The following MICAL2 variants were observed in gnomAD, a reference collection of about 807,000 sequenced individuals.
The protein encoded by MICAL2 is microtubule associated monooxygenase, calponin and LIM domain containing 2.
A neutral mutation model predicts 127.3 loss-of-function variants in MICAL2; 77 were observed. The observed-to-expected ratio is 0.60, with a 90% CI of 0.50 to 0.73. The LOEUF (loss-of-function observed/expected upper bound fraction) is 0.73. Among genes scored for constraint, MICAL2 ranks in the 30% least tolerant of loss-of-function variants. The pLI, the probability that MICAL2 is intolerant of heterozygous loss-of-function variation, is 0.00. For synonymous variants in MICAL2, 570 were observed against 551.1 expected (o/e 1.03, Z -0.48); for missense variants, 1,351 against 1,434.4 (o/e 0.94, Z 0.94).
intron 22 of MICAL2, among the ~76,000 whole-genome samples, chr11:12,250,852 C>G (rs1861438857): frequency 6.6e-6 from 1 of 152,146 alleles, no homozygotes; most frequent in South Asian, 2.1e-4. Flanking sequence ...ACCAGCCTCC[C>G]CAGGAGTGTG....
intron 1 of MICAL2, among the ~76,000 whole-genome samples, chr11:12,125,868 AG>A (rs1454298951): frequency 1.8e-5 from 1 of 54,360 alleles, no homozygotes; most frequent in Admixed American, 1.9e-4. Context: ...TTTCTTATTC[AG>A]TTTTTTTTTT....
chr11:12,161,876 A>G (rs1854843333), intron 2 of MICAL2: 1 of 474,428 alleles, frequency 2.1e-6, no homozygotes, highest in Admixed American at 3.5e-5. Context: ...GCATAGGGGA[A>G]GAGATTACCT....
chr11:12,242,198 T>G lies in MICAL2; in HGVS notation c.2338-16T>G. On this transcript the variant is annotated splice_polypyrimidine_tract_variant and intron_variant, in intron 18 of 27. Coordinates refer to ENST00000683283, the MANE Select transcript of MICAL2 (RefSeq NM_001282663.2). ...GCCGCAGTAGGGAAGGAAGCTTAAT[T>G]TTCCCTCTTTCCCAGTTCCCCTCTG... is the stretch of plus-strand genomic sequence containing the variant. The G allele has an allele frequency of 6.3e-7, 1 of 1,586,846 alleles. No homozygotes were observed. Among genetic ancestry groups the G allele is most frequent in the Non-Finnish European group, 8.6e-7 (1 of 1,161,620 alleles).
downstream of MICAL2, among the ~76,000 whole-genome samples, chr11:12,266,585 C>T (rs1041953570): frequency 2.0e-5 from 3 of 152,250 alleles, no homozygotes; most frequent in Non-Finnish European, 4.4e-5. Flanking sequence ...TCTTCACCTC[C>T]TTGTGGCAAC....
At chr11:12,127,999 T>A (rs886770054) in intron 1 of MICAL2, among the ~76,000 whole-genome samples, 13 of 152,242 alleles carry the variant, frequency 8.5e-5, no homozygotes, top group African/African-American at 3.1e-4. Flanking sequence ...ACCTGACATA[T>A]AATAAGTGCC....
intron 26 of MICAL2, 115 bp from the exon 27 acceptor site, chr11:12,262,365 G>C: frequency 1.3e-6 from 2 of 1,565,286 alleles, no homozygotes; most frequent in Non-Finnish European, 1.7e-6. Flanking sequence ...TTCAATCGTG[G>C]CCTTATTTTC....
chr11:12,343,080 C>T (rs1403654422), intron 32 of MICAL2, among the ~76,000 whole-genome samples: 2 of 152,092 alleles, frequency 1.3e-5, no homozygotes, highest in African/African-American at 4.8e-5. Context: ...ACCCGAAGAT[C>T]CCCCAAAGTG....
chr11:12,112,725 A>G (rs191983879), intron 1 of MICAL2, among the ~76,000 whole-genome samples: 5 of 152,182 alleles, frequency 3.3e-5, no homozygotes, highest in Admixed American at 3.3e-4. Flanking sequence ...ATGATAAGTC[A>G]TGATTTTCAT....
intron 3 of MICAL2, among the ~76,000 whole-genome samples, chr11:12,181,622 C>T (rs1857491441): frequency 6.6e-6 from 1 of 152,196 alleles, no homozygotes; most frequent in Admixed American, 6.5e-5. Flanking sequence ...CTTTAAGATT[C>T]AACCTTGAAA....
At chr11:12,115,223 C>T (rs1240702011) in intron 1 of MICAL2, among the ~76,000 whole-genome samples, 1 of 152,230 alleles carries the variant, frequency 6.6e-6, no homozygotes, top group Non-Finnish European at 1.5e-5. Context: ...GTTAGCACCA[C>T]CACTGGCACA....
chr11:12,128,253 G>A (rs1451875823), intron 1 of MICAL2, among the ~76,000 whole-genome samples: 1 of 152,212 alleles, frequency 6.6e-6, no homozygotes, highest in African/African-American at 2.4e-5. Flanking sequence ...TGAAGAAAAT[G>A]ATTTTGCAAT....
chr11:12,129,259 C>A (rs1851203601), intron 1 of MICAL2, among the ~76,000 whole-genome samples: 1 of 152,202 alleles, frequency 6.6e-6, no homozygotes, highest in African/African-American at 2.4e-5. Flanking sequence ...GACCTGAAGA[C>A]CCCACCTCTC....
chr11:12,207,716 C>CTAGA (rs1854898398), intron 4 of MICAL2: 1 of 238,888 alleles, frequency 4.2e-6, no homozygotes, highest in Non-Finnish European at 8.1e-6. Flanking sequence ...AGAACAGGGT[C>CTAGA]TAGAAATCAG....
intron 3 of MICAL2, among the ~76,000 whole-genome samples, chr11:12,168,927 A>G (rs1249178748): frequency 7.5e-5 from 10 of 134,096 alleles, no homozygotes; most frequent in East Asian, 6.5e-4. Flanking sequence ...AGCCTGGGCA[A>G]CAGAGCAAGA....
downstream of MICAL2, among the ~76,000 whole-genome samples, chr11:12,289,909 AC>A (rs951960606): frequency 6.6e-6 from 1 of 151,818 alleles, no homozygotes; most frequent in Non-Finnish European, 1.5e-5. Context: ...CTGCTCAACC[AC>A]CCCATGAAGC....
rs116056447 is a variant in MICAL2 at position 12,113,628 on chromosome 11, C to T, written c.-149+2902C>T. Among the ~76,000 whole-genome samples the T allele has an allele frequency of 7.8e-3, 1,195 of 152,288 alleles. 10 individuals are homozygous for T. Among genetic ancestry groups the T allele is most frequent in the African/African-American group, 0.027 (1,129 of 41,548 alleles). Reference sequence around the variant, plus strand: ...AAATATTATAGTATTTTGAGAGAGACGGAGACCACATTTACATCGCTTTTA... The same window carrying T: ...AAATATTATAGTATTTTGAGAGAGATGGAGACCACATTTACATCGCTTTTA... On this transcript the variant is annotated intron_variant, in intron 1 of 27. Transcript: ENST00000683283.
intron 1 of MICAL2, among the ~76,000 whole-genome samples, chr11:12,134,728 G>A (rs2133577776): frequency 6.6e-6 from 1 of 152,268 alleles, no homozygotes. Flanking sequence ...CATAGCTTAT[G>A]CCTCTCATAC....
downstream of MICAL2, among the ~76,000 whole-genome samples, chr11:12,287,550 T>A (rs1470465238): frequency 1.3e-5 from 2 of 152,054 alleles, no homozygotes; most frequent in Non-Finnish European, 2.9e-5. Flanking sequence ...GCCATCAGAT[T>A]AACGGCCTCA....
chr11:12,260,566 G>T, intron 26 of MICAL2: 9 of 998,270 alleles, frequency 9.0e-6, no homozygotes, highest in Non-Finnish European at 1.1e-5. Context: ...TGCCTGCAAA[G>T]TGGATGATTT....
Sources: gnomAD v4.1 joint callset for allele counts (sites outside exome capture counted in the v4.1 genomes callset) on GRCh38, gnomAD v4.1.1 for gene constraint, MANE v1.5 for transcripts, NCBI Gene and HGNC (gene_info 2026-07-23, HGNC 2026-07-21) for gene names.